Variants in ERGIC1 observed in about 807,000 individuals in gnomAD.
The protein encoded by ERGIC1 is endoplasmic reticulum-golgi intermediate compartment 1, also known as endoplasmic reticulum-Golgi intermediate compartment protein 1.
Under a neutral mutation model 38.3 loss-of-function variants are expected in ERGIC1, and 19 were observed. The observed-to-expected ratio is 0.50, with a 90% CI of 0.35 to 0.73. The LOEUF (loss-of-function observed/expected upper bound fraction) is 0.73, where lower values mean the gene tolerates loss of function less well. ERGIC1 is among the 30% of genes least tolerant of loss of function. The pLI is 0.01. For synonymous variants in ERGIC1, 124 were observed against 157.6 expected (o/e 0.79, Z 1.60); for missense variants, 294 against 389.2 (o/e 0.76, Z 2.06).
At chr5:172,925,348 G>A (rs376747904) in intron 6 of ERGIC1, among the ~76,000 whole-genome samples, 3 of 152,200 alleles carry the variant, frequency 2.0e-5, no homozygotes, top group Non-Finnish European at 2.9e-5. Context: ...TGTAACCACC[G>A]TTCTCATGGG....
At chr5:172,940,147 G>T (rs1763978563) in intron 9 of ERGIC1, among the ~76,000 whole-genome samples, 1 of 152,094 alleles carries the variant, frequency 6.6e-6, no homozygotes, top group African/African-American at 2.4e-5. Context: ...GGCAGATGGG[G>T]CCTCCCAGAT....
At chr5:172,838,540 C>A (rs965257646) in intron 1 of ERGIC1, among the ~76,000 whole-genome samples, 1 of 152,150 alleles carries the variant, frequency 6.6e-6, no homozygotes, top group Non-Finnish European at 1.5e-5. Flanking sequence ...ATTTTCATGT[C>A]CTGATTTCAA....
chr5:172,892,062 GTTTTTT>G lies in ERGIC1; in HGVS notation c.82+3321_82+3326del, dbSNP rs573472747. On this transcript the variant is annotated intron_variant, in intron 2 of 9. Coordinates refer to ENST00000393784, the MANE Select transcript of ERGIC1 (RefSeq NM_001031711.3). ...GAGGAATTACTGGGTTAAAGAGTAT[GTTTTTT>G]TTTTTTTTTTTTTTTTTTGAAACTT... Among the ~76,000 whole-genome samples, 20 of 90,226 alleles carry G rather than the reference GTTTTTT, an allele frequency of 2.2e-4. No homozygotes were observed. In the Admixed American group the frequency reaches 2.5e-3, roughly 11 times the overall value. 59.2% of individuals were successfully genotyped at this position (90,226 alleles called of 152,430 possible).
intron 5 of ERGIC1, among the ~76,000 whole-genome samples, chr5:172,923,410 AG>A (rs1299963026): frequency 6.6e-6 from 1 of 151,990 alleles, no homozygotes; most frequent in African/African-American, 2.4e-5. Flanking sequence ...TGAAACAAGG[AG>A]AAGCTGCAGT....
chr5:172,921,226 T>G (rs1462742152), intron 5 of ERGIC1, among the ~76,000 whole-genome samples: 3 of 152,204 alleles, frequency 2.0e-5, no homozygotes, highest in African/African-American at 7.2e-5. Flanking sequence ...AGCTAGGAAG[T>G]GGGGCTGGGC....
At chr5:172,943,401 C>T (rs549626393) in intron 9 of ERGIC1, among the ~76,000 whole-genome samples, 3 of 152,040 alleles carry the variant, frequency 2.0e-5, no homozygotes, top group African/African-American at 7.3e-5. Context: ...CTACACCCCC[C>T]ACCTCTGCCT....
chr5:172,880,983 T>C lies in ERGIC1; in HGVS notation c.21-7716T>C, dbSNP rs958638079. ...TGAAAATGTGGCTGGACGCGGTGGC[T>C]CACGCCTGTAATCCCAGCACTTTGG... On this transcript the variant is annotated intron_variant, in intron 1 of 9. Coordinates refer to ENST00000393784, the MANE Select transcript of ERGIC1 (RefSeq NM_001031711.3). 2.0e-5 allele frequency among the ~76,000 whole-genome samples: 3 copies of C among 152,220 alleles called. No individual in the cohort carries two copies. The South Asian group carries it at 6.2e-4, about 31-fold the overall frequency.
In ERGIC1 at chr5:172,842,868, G is replaced by C. The variant is rs7722970; in HGVS notation, c.20+8435G>C. ...TTAAAATTGGAGGGTTTTTGGCCAG[G>C]CATGGTGACTCACACCTGTAATCCC... On this transcript the variant is annotated intron_variant, in intron 1 of 9. Transcript: ENST00000393784. Among the ~76,000 whole-genome samples the C allele has an allele frequency of 3.4e-4, 51 of 152,186 alleles. 1 individual carries two copies. In the Middle Eastern group the frequency reaches 0.01, roughly 30 times the overall value.
At chr5:172,881,097 A>G (rs1170332276) in intron 1 of ERGIC1, among the ~76,000 whole-genome samples, 1 of 152,104 alleles carries the variant, frequency 6.6e-6, no homozygotes, top group Non-Finnish European at 1.5e-5. Context: ...AAAATACAAA[A>G]TTAGCTGGGC....
At chr5:172,928,983 C>A (rs1283132084) in intron 7 of ERGIC1, among the ~76,000 whole-genome samples, 1 of 152,174 alleles carries the variant, frequency 6.6e-6, no homozygotes. Context: ...CAGCAGCTAA[C>A]TTCAGGAACG....
chr5:172,914,509 T>C, intron 4 of ERGIC1: 2 of 784,740 alleles, frequency 2.5e-6, no homozygotes, highest in Non-Finnish European at 4.2e-6. Flanking sequence ...GGACCCCTAC[T>C]ATGCACTGCC....
intron 5 of ERGIC1, among the ~76,000 whole-genome samples, chr5:172,918,655 G>T (rs911625146): frequency 6.6e-6 from 1 of 152,226 alleles, no homozygotes; most frequent in Admixed American, 6.5e-5. Flanking sequence ...TCCAGAAAAC[G>T]CTGATGATGA....
intron 1 of ERGIC1, among the ~76,000 whole-genome samples, chr5:172,865,615 TC>T (rs1761838129): frequency 6.6e-6 from 1 of 152,160 alleles, no homozygotes; most frequent in Middle Eastern, 3.2e-3. Context: ...ATATGCCTCT[TC>T]CCAGCCAGCA....
chr5:172,840,012 C>T (rs192180611), intron 1 of ERGIC1, among the ~76,000 whole-genome samples: 2 of 152,350 alleles, frequency 1.3e-5, no homozygotes, highest in East Asian at 3.9e-4. Context: ...CACTAATCCT[C>T]ACCCAACAGT....
intron 1 of ERGIC1, among the ~76,000 whole-genome samples, chr5:172,874,914 C>A (rs1371977214): frequency 2.0e-5 from 3 of 147,466 alleles, no homozygotes; most frequent in African/African-American, 7.6e-5. Flanking sequence ...AAGAGTGAGA[C>A]CCTGTCTAAA....
intron 1 of ERGIC1, among the ~76,000 whole-genome samples, chr5:172,849,761 C>T (rs913756833): frequency 6.6e-6 from 1 of 152,176 alleles, no homozygotes; most frequent in African/African-American, 2.4e-5. Context: ...TGGTGCATAG[C>T]ACAAGACCTC....
chr5:172,893,075 G>C (rs1396531040), intron 2 of ERGIC1, among the ~76,000 whole-genome samples: 1 of 152,220 alleles, frequency 6.6e-6, no homozygotes, highest in Non-Finnish European at 1.5e-5. Context: ...ACGTCTACAA[G>C]CATGAACACG....
chr5:172,839,518 C>T (rs1245380351), intron 1 of ERGIC1, among the ~76,000 whole-genome samples: 1 of 152,014 alleles, frequency 6.6e-6, no homozygotes, highest in Admixed American at 6.6e-5. Flanking sequence ...GAGCCATGTT[C>T]ATGCCATTGC....
chr5:172,942,847 T>A (rs538734814), intron 9 of ERGIC1, among the ~76,000 whole-genome samples: 1 of 152,322 alleles, frequency 6.6e-6, no homozygotes, highest in Non-Finnish European at 1.5e-5. Context: ...AGCTTCTGAC[T>A]TCCAACACTT....
Sources: allele counts gnomAD v4.1 joint callset (sites outside exome capture counted in the v4.1 genomes callset), GRCh38; gene constraint gnomAD v4.1.1; transcripts MANE v1.5; gene names NCBI Gene and HGNC (gene_info 2026-07-23, HGNC 2026-07-21).